The following LINGO2 variants were observed in gnomAD, a reference collection of about 807,000 sequenced individuals.
LINGO2 encodes the protein leucine rich repeat and Ig domain containing 2, also known as leucine-rich repeat and immunoglobulin-like domain-containing nogo receptor-interacting protein 2.
Under a neutral mutation model 30.6 loss-of-function variants are expected in LINGO2, and 14 were observed. The observed-to-expected ratio is 0.46, with a 90% CI of 0.30 to 0.72. The LOEUF is 0.72. Ranked by LOEUF, LINGO2 falls within the 30% of genes least tolerant of loss-of-function variation. The pLI, the probability that LINGO2 is intolerant of heterozygous loss-of-function variation, is 0.07. For synonymous variants in LINGO2, 317 were observed against 288.5 expected, an observed-to-expected ratio of 1.10 and a Z score of -1.00; for missense variants, 729 against 751.7, an observed-to-expected ratio of 0.97 and a Z score of 0.35.
At chr9:28,895,109 A>G in the LINGO2 span, among the ~76,000 whole-genome samples, 1 of 152,164 alleles carries the variant, frequency 6.6e-6, no homozygotes, top group African/African-American at 2.4e-5. Flanking sequence ...ACATGTGTAA[A>G]AACTATTTCA....
chr9:28,658,346 C>T (rs1828448143), intron 1 of LINGO2, among the ~76,000 whole-genome samples: 1 of 151,918 alleles, frequency 6.6e-6, no homozygotes. Flanking sequence ...ATTCAAGTCT[C>T]CTACTATTAT....
the LINGO2 span, among the ~76,000 whole-genome samples, chr9:28,907,413 T>A: frequency 4.0e-5 from 6 of 150,654 alleles, no homozygotes; most frequent in South Asian, 2.1e-4. Context: ...GTCTTAAAAA[T>A]TTTTTTTTGG....
At chr9:28,855,329 C>T in the LINGO2 span, among the ~76,000 whole-genome samples, 10 of 151,866 alleles carry the variant, frequency 6.6e-5, no homozygotes, top group Non-Finnish European at 1.2e-4. Flanking sequence ...AAACAGCTAC[C>T]CTAATACAGT....
chr9:28,312,256 T>C (rs1824655786), intron 3 of LINGO2, among the ~76,000 whole-genome samples: 1 of 151,232 alleles, frequency 6.6e-6, no homozygotes, highest in Non-Finnish European at 1.5e-5. Context: ...CTCAGCCCTC[T>C]CTTTTTGCAA....
the LINGO2 span, among the ~76,000 whole-genome samples, chr9:29,014,388 G>T: frequency 6.6e-6 from 1 of 152,124 alleles, no homozygotes; most frequent in Non-Finnish European, 1.5e-5. Flanking sequence ...ATACCTCAGG[G>T]TTACTCTAGT....
intron 1 of LINGO2, among the ~76,000 whole-genome samples, chr9:28,528,383 G>T (rs953248726): frequency 1.3e-5 from 2 of 152,084 alleles, no homozygotes; most frequent in African/African-American, 4.8e-5. Context: ...TCTAGTTTCA[G>T]AAAGAGAAAA....
intron 4 of LINGO2, among the ~76,000 whole-genome samples, chr9:28,287,506 GCA>G (rs1177687806): frequency 1.8e-4 from 28 of 152,130 alleles, no homozygotes; most frequent in African/African-American, 6.5e-4. Context: ...GATACATTCA[GCA>G]GAATTACTTA....
At chr9:28,943,191 A>AT in the LINGO2 span, among the ~76,000 whole-genome samples, 2 of 152,204 alleles carry the variant, frequency 1.3e-5, no homozygotes, top group African/African-American at 2.4e-5. Context: ...CAAAACAGTC[A>AT]TTTTAGTAGG....
chr9:29,200,447 G>A, the LINGO2 span, among the ~76,000 whole-genome samples: 46 of 151,908 alleles, frequency 3.0e-4, no homozygotes, highest in South Asian at 4.6e-3. Flanking sequence ...GAAGAAAATC[G>A]GATATGCATG....
the LINGO2 span, among the ~76,000 whole-genome samples, chr9:28,762,094 T>C: frequency 3.9e-5 from 6 of 152,080 alleles, no homozygotes; most frequent in African/African-American, 1.5e-4. Flanking sequence ...CACATATCAC[T>C]TAATTGCATT....
intron 3 of LINGO2, among the ~76,000 whole-genome samples, chr9:28,353,770 T>G (rs1820027757): frequency 6.6e-6 from 1 of 152,044 alleles, no homozygotes; most frequent in South Asian, 2.1e-4. Flanking sequence ...CCAACAATGA[T>G]AGACTGGATC....
At chr9:28,077,124 T>A (rs1334695142) in intron 4 of LINGO2, among the ~76,000 whole-genome samples, 3 of 152,054 alleles carry the variant, frequency 2.0e-5, no homozygotes, top group Admixed American at 2.0e-4. Flanking sequence ...CAAAAACATT[T>A]TGGCGATGTG....
chr9:28,921,695 G>A, the LINGO2 span, among the ~76,000 whole-genome samples: 3 of 152,194 alleles, frequency 2.0e-5, no homozygotes, highest in Non-Finnish European at 4.4e-5. Flanking sequence ...AAACCAGCAC[G>A]TCAGTAACTT....
intron 4 of LINGO2, among the ~76,000 whole-genome samples, chr9:28,192,081 A>G (rs1430712935): frequency 1.3e-5 from 2 of 152,086 alleles, no homozygotes; most frequent in African/African-American, 2.4e-5. Flanking sequence ...ACTCAGATTT[A>G]ATATAGACAA....
chr9:28,346,829 T>C (rs990983594), intron 3 of LINGO2, among the ~76,000 whole-genome samples: 8 of 152,140 alleles, frequency 5.3e-5, no homozygotes, highest in Non-Finnish European at 2.9e-5. Context: ...GCCACATGTA[T>C]GCCTTCTTAG....
chr9:28,705,683 C>A, the LINGO2 span, among the ~76,000 whole-genome samples: 1 of 152,136 alleles, frequency 6.6e-6, no homozygotes, highest in Non-Finnish European at 1.5e-5. Context: ...TTAAAACTCA[C>A]AAAAGTGTGA....
intron 1 of LINGO2, among the ~76,000 whole-genome samples, chr9:28,627,690 T>C (rs1300997186): frequency 6.6e-6 from 1 of 152,100 alleles, no homozygotes; most frequent in Non-Finnish European, 1.5e-5. Context: ...TAGTTTCAGT[T>C]ACACAAACTG....
intron 4 of LINGO2, among the ~76,000 whole-genome samples, chr9:28,180,221 A>G (rs1231827111): frequency 1.3e-5 from 2 of 152,044 alleles, no homozygotes; most frequent in African/African-American, 4.8e-5. Flanking sequence ...GCCATGTGCT[A>G]TCTCCCTCAG....
chr9:29,108,967 T>C, the LINGO2 span, among the ~76,000 whole-genome samples: 4 of 152,236 alleles, frequency 2.6e-5, no homozygotes, highest in Non-Finnish European at 5.9e-5. Context: ...TTGACTTAGA[T>C]GAAATTTACT....
Sources: gnomAD v4.1 joint callset for allele counts (sites outside exome capture counted in the v4.1 genomes callset) on GRCh38, gnomAD v4.1.1 for gene constraint, MANE v1.5 for transcripts, NCBI Gene and HGNC (gene_info 2026-07-23, HGNC 2026-07-21) for gene names.